The following ITGB4 variants were observed in gnomAD, a reference collection of about 807,000 sequenced individuals.
ITGB4 encodes the protein integrin beta-4.
In ITGB4, 159 loss-of-function variants were observed where a neutral mutation model predicts 207.6. The ratio of observed to expected loss-of-function variants is 0.77; its 90% CI spans 0.67 to 0.87. The LOEUF (loss-of-function observed/expected upper bound fraction) is 0.87, where lower values mean the gene tolerates loss of function less well. ITGB4 is among the 40% of genes least tolerant of loss of function. ITGB4 has a pLI of 0.00. For synonymous variants in ITGB4, 1,020 were observed against 1,062.7 expected (o/e 0.96, Z 0.78); for missense variants, 2,278 against 2,546.8 (o/e 0.89, Z 2.27).
chr17:75,755,627 AG>A, intron 34 of ITGB4, 73 bp from the exon 35 acceptor site: 3 of 1,584,666 alleles, frequency 1.9e-6, no homozygotes, highest in Non-Finnish European at 1.7e-6. Context: ...GAGGGAGGTC[AG>A]GGGGCAGCAC....
At position 75,748,826 on chromosome 17, in the gene ITGB4, C is replaced by T; in HGVS notation, c.3112-15C>T. 1.3e-6 allele frequency: 2 copies of T among 1,592,324 alleles called. No homozygotes were observed. The highest frequency in any genetic ancestry group is 1.7e-6 in the Non-Finnish European group (2 of 1,168,932). On this transcript the variant is annotated splice_polypyrimidine_tract_variant and intron_variant, in intron 26 of 39. Coordinates refer to ENST00000200181, the MANE Select transcript of ITGB4 (RefSeq NM_000213.5). ...CCCCAGCCATGACCCTGACCCTGAC[C>T]CCCTCCACTCCCAGGACTACATCCC...
rs776224078 is a variant in ITGB4 at position 75,756,949 on chromosome 17, C to T, written c.5060C>T (p.Ala1687Val). 3.7e-6 allele frequency: 6 copies of T among 1,612,470 alleles called. No individual in the cohort carries two copies. The highest frequency in any genetic ancestry group is 5.1e-6 in the Non-Finnish European group (6 of 1,179,932). The change falls in exon 38 of 40, where the codon GCC becomes GTC. Residue 1687 changes from alanine to valine, a missense_variant. Coordinates refer to ENST00000200181, the MANE Select transcript of ITGB4 (RefSeq NM_000213.5). ...TCEMAQGGGP[A>V]TAFRVDGDSP... is the part of the protein sequence containing the mutation. ...AGGCATCTTCCCTGCTCAGGGCCAGCCACCGCATTCCGGGTGGATGGAGAC... is the reference window on the plus strand; with the variant it reads ...AGGCATCTTCCCTGCTCAGGGCCAGTCACCGCATTCCGGGTGGATGGAGAC...
In ITGB4 at chr17:75,731,057, G is replaced by C; in HGVS notation, c.1092+93G>C. On this transcript the variant is annotated intron_variant, in intron 9 of 39. Transcript: ENST00000200181. The surrounding 1 kb of genome is among the most constrained non-coding windows in gnomAD (Gnocchi z 6.8). The stretch of plus-strand genomic sequence containing the variant: ...AAGAGGTGTCTTGGATCACGGTGGA[G>C]AAATGGGTCTGGGACAGACCAGTGA... 7.0e-7 allele frequency: 1 copy of C among 1,434,268 alleles called. No individual in the cohort carries two copies. Among genetic ancestry groups the C allele is most frequent in the Non-Finnish European group, 9.8e-7 (1 of 1,022,698 alleles). The allele number at this position is 1,434,268 out of a possible 1,614,324, so 88.8% of individuals were successfully genotyped here.
In ITGB4 at chr17:75,756,887, G is replaced by A. The variant is rs2603508; in HGVS notation, c.5053+28G>A. ...GCTGCCCACCCCGGGGGCAGGAGTG[G>A]CCAGGGGAGGGGTAAAGAGGGGGCC... On this transcript the variant is annotated intron_variant, in intron 37 of 39. Transcript: ENST00000200181. The A allele has an allele frequency of 7.4e-4, 1,199 of 1,612,176 alleles. 13 individuals carry two copies. In the South Asian group the frequency reaches 0.012, roughly 16 times the overall value.
At chr17:75,752,110 CA>C (rs1568379557) in intron 30 of ITGB4, 63 bp from the exon 31 acceptor site, 6 of 1,544,426 alleles carry the variant, frequency 3.9e-6, no homozygotes, top group Non-Finnish European at 4.5e-6. Flanking sequence ...CCTGCTGTGT[CA>C]GGGGTGGTGT....
At position 75,754,725 on chromosome 17, in the gene ITGB4, C is replaced by G; in HGVS notation, c.4468C>G (p.Arg1490Gly). ...RVLSTSSTLT[R>G]DYNSLTRSEH... ...GCTAAGCACATCCTCCACCCTCACA[C>G]GGGACTACAACTCACTGACCCGCTC... The change falls in exon 34 of 40, where the codon CGG (arginine) becomes GGG (glycine). Residue 1490 changes from arginine to glycine, a missense_variant. Transcript: ENST00000200181. 6.2e-7 allele frequency: 1 copy of G among 1,614,154 alleles called. No individual in the cohort carries two copies. Among genetic ancestry groups the G allele is most frequent in the Non-Finnish European group, 8.5e-7 (1 of 1,180,010 alleles).
intron 34 of ITGB4, 158 bp downstream of exon 34, chr17:75,754,973 T>G (rs897532182): frequency 3.3e-6 from 5 of 1,534,208 alleles, no homozygotes; most frequent in Non-Finnish European, 3.6e-6. Context: ...CATGCACACA[T>G]GTACACAGAC....
At position 75,752,211 on chromosome 17, in the gene ITGB4, C is replaced by A. The variant is rs1360772443; in HGVS notation, c.3831C>A (p.Asn1277Lys). The change falls in exon 31 of 40, where the codon AAC becomes AAA. Residue 1277 changes from asparagine (N) to lysine (K), a missense_variant. By Grantham distance (94) the Asn-to-Lys change is moderately conservative. Transcript: ENST00000200181. ...CCATGAAGAAAGTGCTGGTTGACAA[C>A]CCTAAGAACCGGATGCTGCTTATTG... The part of the protein sequence containing the change: ...IGPMKKVLVD[N>K]PKNRMLLIEN... 1 of 1,613,946 alleles carries A rather than the reference C, an allele frequency of 6.2e-7. No homozygotes were observed. The highest frequency in any genetic ancestry group is 1.3e-5 in the African/African-American group (1 of 75,056).
intron 32 of ITGB4, among the ~76,000 whole-genome samples, chr17:75,752,955 G>T (rs8074226): frequency 0.012 from 1,854 of 152,312 alleles, 35 homozygotes; most frequent in African/African-American, 0.042. Context: ...GAGCCAAGGA[G>T]ACAAGAACAC....
At chr17:75,728,344 C>T (rs1362672443) in intron 5 of ITGB4, 33 bp from the exon 6 acceptor site, 1 of 1,597,076 alleles carries the variant, frequency 6.3e-7, no homozygotes, top group East Asian at 2.2e-5. Context: ...CATCAGGGCT[C>T]AGCTATCCCC....
chr17:75,750,332 G>A lies in ITGB4; in HGVS notation c.3474+64G>A. The A allele has an allele frequency of 1.3e-6, 2 of 1,532,426 alleles. No individual in the cohort carries two copies. The highest frequency in any genetic ancestry group is 1.8e-6 in the Non-Finnish European group (2 of 1,132,282). The allele number at this position is 1,532,426 out of a possible 1,614,324, so 94.9% of individuals were successfully genotyped here. On this transcript the variant is annotated intron_variant, in intron 28 of 39. Coordinates refer to ENST00000200181, the MANE Select transcript of ITGB4 (RefSeq NM_000213.5). This position sits in a 1 kb window ranked among gnomAD's most constrained non-coding sequence, Gnocchi z 5.5. ...CGGTCTGGCACCAGCACTCACAGAA[G>A]AGGTGGGCCGTCCAAGGCCAGGGCC...
intron 25 of ITGB4, 109 bp from the exon 26 acceptor site, chr17:75,743,604 C>T (rs570556663): frequency 2.8e-5 from 42 of 1,477,594 alleles, no homozygotes; most frequent in Admixed American, 5.0e-5. Context: ...ATAGAGGGAA[C>T]CAAGCGGACT....
In ITGB4 at chr17:75,727,127, T is replaced by G. The variant is rs2060734953; in HGVS notation, c.80-68T>G. ...GAATCCCCATCTCTCCAGGTGAAGG[T>G]GCAGGTGGGAAAGTGCTTGCCTTTG... is the stretch of plus-strand genomic sequence containing the variant. On this transcript the variant is annotated intron_variant, in intron 2 of 39. Coordinates refer to ENST00000200181, the MANE Select transcript of ITGB4 (RefSeq NM_000213.5). The surrounding 1 kb of genome is among the most constrained non-coding windows in gnomAD (Gnocchi z 6.0). 1 of 1,196,410 alleles carries G rather than the reference T, an allele frequency of 8.4e-7. No homozygotes were observed. Among genetic ancestry groups the G allele is most frequent in the Non-Finnish European group, 1.2e-6 (1 of 808,568 alleles). 74.1% of individuals were successfully genotyped at this position (1,196,410 alleles called of 1,614,324 possible).
In ITGB4 at chr17:75,722,757, C is replaced by CTGTGTATG. The variant is rs1555729273; in HGVS notation, c.-11+1150_-11+1151insATGTGTGT. The stretch of plus-strand genomic sequence containing the variant: ...GAGCCTGTGGGTGGGTGGGCATGGC[C>CTGTGTATG]TGTGTGTGTGTGTGTGTGTGTGTGT... On this transcript the variant is annotated intron_variant, in intron 1 of 39. Transcript: ENST00000200181. This position sits in a 1 kb window ranked among gnomAD's most constrained non-coding sequence, Gnocchi z 6.2. 1.4e-3 allele frequency among the ~76,000 whole-genome samples: 188 copies of CTGTGTATG among 135,164 alleles called. 1 individual carries two copies. The highest frequency in any genetic ancestry group is 5.0e-3 in the African/African-American group (180 of 35,908). The allele number at this position is 135,164 out of a possible 152,430, so 88.7% of individuals were successfully genotyped here.
At chr17:75,736,769 A>G in intron 16 of ITGB4, 75 bp downstream of exon 16, 3 of 1,501,786 alleles carry the variant, frequency 2.0e-6, no homozygotes, top group South Asian at 2.4e-5. Flanking sequence ...GGGTGTCATC[A>G]CCTGGACGGG....
chr17:75,724,724 C>T lies in ITGB4; in HGVS notation c.21C>T (p.Ser7=), dbSNP rs368149213. Residue 7 remains serine, a synonymous_variant, in exon 2 of 40, where the codon AGC becomes AGT. Coordinates refer to ENST00000200181, the MANE Select transcript of ITGB4 (RefSeq NM_000213.5). The part of the protein sequence containing the change: MAGPRP[S]PWARLLLAAL... ...AGAGGATGGCAGGGCCACGCCCCAG[C>T]CCATGGGCCAGGCTGCTCCTGGCAG... The T allele has an allele frequency of 5.0e-6, 8 of 1,613,760 alleles. No individual in the cohort carries two copies. The highest frequency in any genetic ancestry group is 6.8e-6 in the Non-Finnish European group (8 of 1,180,006).
chr17:75,735,417 T>TTC (rs1046025083), intron 13 of ITGB4, among the ~76,000 whole-genome samples: 1 of 123,812 alleles, frequency 8.1e-6, no homozygotes, highest in Non-Finnish European at 1.9e-5. Context: ...CTTTTCTTTT[T>TTC]TTTTTTTTTT....
At position 75,727,747 on chromosome 17, in the gene ITGB4, G is replaced by A. The variant is rs2060754166; in HGVS notation, c.361G>A (p.Glu121Lys). 2 of 1,614,056 alleles carry A rather than the reference G, an allele frequency of 1.2e-6. No individual in the cohort carries two copies. The highest frequency in any genetic ancestry group is 1.7e-6 in the Non-Finnish European group (2 of 1,180,038). The change falls in exon 5 of 40, where the codon GAG becomes AAG. Residue 121 changes from glutamate (E) to lysine (K), a missense_variant. By Grantham distance (56) the Glu-to-Lys change is moderately conservative. Coordinates refer to ENST00000200181, the MANE Select transcript of ITGB4 (RefSeq NM_000213.5). This position sits in a 1 kb window ranked among gnomAD's most constrained non-coding sequence, Gnocchi z 6.0. ...CGGTGAGGAGCGGCATTTTGAGCTG[G>A]AGGTGTTTGAGCCACTGGAGAGCCC... ...RPGEERHFEL[E>K]VFEPLESPVD...
At chr17:75,730,811 G>A in intron 8 of ITGB4, 64 bp from the exon 9 acceptor site, 1 of 1,422,654 alleles carries the variant, frequency 7.0e-7, no homozygotes, top group East Asian at 2.3e-5. Flanking sequence ...AAAGTGGGAA[G>A]AATCCTAGAG....
Sources: gnomAD v4.1 joint callset for allele counts (sites outside exome capture counted in the v4.1 genomes callset) on GRCh38, gnomAD v4.1.1 for gene constraint, Gnocchi (gnomAD v3.1) non-coding constraint, MANE v1.5 for transcripts, NCBI Gene and HGNC (gene_info 2026-07-23, HGNC 2026-07-21) for gene names.